HACD2: variants seen among roughly 807,000 people sequenced by gnomAD.
The protein encoded by HACD2 is 3-hydroxyacyl-CoA dehydratase 2.
In HACD2, 15 loss-of-function variants were observed where a neutral mutation model predicts 31.0. The ratio of observed to expected loss-of-function variants is 0.48; its 90% CI spans 0.32 to 0.75. HACD2 has a LOEUF of 0.75. HACD2 is among the 30% of genes least tolerant of loss of function. HACD2 has a pLI of 0.03. For missense variants in HACD2, 283 were observed against 313.0 expected, an observed-to-expected ratio of 0.90 and a Z score of 0.72; for synonymous variants, 115 against 122.2, an observed-to-expected ratio of 0.94 and a Z score of 0.39.
At chr3:123,560,638 G>C (rs1261826930) in intron 3 of HACD2, among the ~76,000 whole-genome samples, 2 of 152,182 alleles carry the variant, frequency 1.3e-5, no homozygotes, top group East Asian at 3.8e-4. Context: ...GTCCCGGTAA[G>C]AACAAGGCTT....
In HACD2 at chr3:123,493,897, T is replaced by A. The variant is rs186720087; in HGVS notation, c.*991A>T. The A allele has an allele frequency of 6.6e-6, 1 of 152,316 alleles. No homozygotes were observed. The highest frequency in any genetic ancestry group is 1.5e-5 in the Non-Finnish European group (1 of 68,020). 9.4% of individuals were successfully genotyped at this position (152,316 alleles called of 1,614,324 possible). A position where few individuals can be genotyped will look rare whatever the true frequency, so the allele number is the denominator to read the frequency against. On this transcript the variant is annotated 3_prime_UTR_variant, in exon 7 of 7. Coordinates refer to ENST00000383657, the MANE Select transcript of HACD2 (RefSeq NM_198402.5). ...AGAAGAGTGAATGAAAATTTAAAAA[T>A]AAAACAATAATGGTGTATAAATCTA...
At chr3:123,551,403 G>T (rs1018255668) in intron 3 of HACD2, among the ~76,000 whole-genome samples, 7 of 152,106 alleles carry the variant, frequency 4.6e-5, no homozygotes, top group African/African-American at 1.7e-4. Flanking sequence ...TGGATCATTT[G>T]AAGTCAGGAG....
intron 2 of HACD2, among the ~76,000 whole-genome samples, chr3:123,581,286 C>G (rs1031273157): frequency 6.6e-6 from 1 of 152,270 alleles, no homozygotes; most frequent in South Asian, 2.1e-4. Context: ...ACTATGGCGG[C>G]TATTGATTTT....
chr3:123,507,390 T>TAA (rs766297059), intron 4 of HACD2, among the ~76,000 whole-genome samples: 2 of 152,068 alleles, frequency 1.3e-5, no homozygotes. Flanking sequence ...CGACAAGTGA[T>TAA]ATATATATAT....
intron 3 of HACD2, among the ~76,000 whole-genome samples, chr3:123,534,273 A>C (rs2056399319): frequency 6.6e-6 from 1 of 152,196 alleles, no homozygotes; most frequent in African/African-American, 2.4e-5. Context: ...CATGCACCAC[A>C]CAATGGCATT....
At chr3:123,555,089 G>C (rs1045155607) in intron 3 of HACD2, among the ~76,000 whole-genome samples, 6 of 152,074 alleles carry the variant, frequency 3.9e-5, no homozygotes, top group Admixed American at 3.3e-4. Context: ...TAAAAAAATA[G>C]ACATTGAATT....
Position 123,564,716 on chromosome 3 carries a change from G to A in HACD2, c.292+3046C>T, listed in dbSNP as rs975354110. ...GGAGAACAGTTATATAGTAGTATAA[G>A]GGAAATACAGGGTCAATGGCCAGGT... On this transcript the variant is annotated intron_variant, in intron 3 of 6. Transcript: ENST00000383657. Among the ~76,000 whole-genome samples the A allele has an allele frequency of 2.6e-5, 4 of 152,186 alleles. No homozygotes were observed. The East Asian group carries it at 7.7e-4, about 29-fold the overall frequency.
intron 1 of HACD2, among the ~76,000 whole-genome samples, chr3:123,583,216 A>C (rs2056984527): frequency 6.6e-6 from 1 of 152,158 alleles, no homozygotes; most frequent in African/African-American, 2.4e-5. Flanking sequence ...AAAAAAGCTT[A>C]CTTTGCTCTC....
chr3:123,523,723 T>G (rs1360738215), intron 4 of HACD2, among the ~76,000 whole-genome samples: 1 of 152,246 alleles, frequency 6.6e-6, no homozygotes, highest in Non-Finnish European at 1.5e-5. Flanking sequence ...CAGGTGGGAA[T>G]GGCCTCTGAA....
At chr3:123,498,951 G>A (rs577966552) in intron 6 of HACD2, among the ~76,000 whole-genome samples, 1 of 152,316 alleles carries the variant, frequency 6.6e-6, no homozygotes, top group African/African-American at 2.4e-5. Flanking sequence ...GACAGATGGA[G>A]GCTGCCCTGG....
In HACD2 at chr3:123,492,310, A is replaced by G. The variant is rs1362546516; in HGVS notation, c.*2578T>C. ...AGTTGGGAGGATGATGCCTTTGACTATGCCCTGAAATGAAACCTCTAAGTC... is the reference window on the plus strand; with the variant it reads ...AGTTGGGAGGATGATGCCTTTGACTGTGCCCTGAAATGAAACCTCTAAGTC... On this transcript the variant is annotated 3_prime_UTR_variant, in exon 7 of 7. Transcript: ENST00000383657. The G allele has an allele frequency of 1.3e-5, 2 of 152,196 alleles. No individual in the cohort carries two copies. Among genetic ancestry groups the G allele is most frequent in the African/African-American group, 4.8e-5 (2 of 41,450 alleles). 9.4% of individuals were successfully genotyped at this position (152,196 alleles called of 1,614,324 possible).
intron 3 of HACD2, among the ~76,000 whole-genome samples, chr3:123,564,638 T>G (rs2056771873): frequency 6.6e-6 from 1 of 152,130 alleles, no homozygotes; most frequent in Admixed American, 6.5e-5. Context: ...GGTTCAGGTA[T>G]CGATGGGCAT....
rs1477715888 is a variant in HACD2, at chr3:123,494,646, T to C, written c.*242A>G. 1.9e-6 allele frequency: 1 copy of C among 518,790 alleles called. No homozygotes were observed. Among genetic ancestry groups the C allele is most frequent in the East Asian group, 3.6e-5 (1 of 27,990 alleles). The allele number at this position is 518,790 out of a possible 1,614,324, so 32.1% of individuals were successfully genotyped here. ...TCCCTTTCTAGTGCCATCATAAATA[T>C]TAAGAACTTCTGGTTGAAAGAGCAT... On this transcript the variant is annotated 3_prime_UTR_variant, in exon 7 of 7. Coordinates refer to ENST00000383657, the MANE Select transcript of HACD2 (RefSeq NM_198402.5).
chr3:123,520,138 C>T (rs974927334), intron 4 of HACD2, among the ~76,000 whole-genome samples: 1 of 152,204 alleles, frequency 6.6e-6, no homozygotes, highest in Non-Finnish European at 1.5e-5. Context: ...ATTGCTACCT[C>T]TGCAGTGCAT....
rs71142740 is a variant in HACD2, at chr3:123,534,798, T to TTGTG, written c.293-6328_293-6325dup. On this transcript the variant is annotated intron_variant, in intron 3 of 6. Coordinates refer to ENST00000383657, the MANE Select transcript of HACD2 (RefSeq NM_198402.5). ...ATCCTGTCCCTATGTAGACGTAGGC[T>TTGTG]TGTGTGTGTGTGTGTCTTAGTTTTT... 3.8e-4 allele frequency among the ~76,000 whole-genome samples: 57 copies of TTGTG among 149,200 alleles called. 1 individual carries two copies. The South Asian group carries it at 0.011, about 29-fold the overall frequency.
intron 4 of HACD2, among the ~76,000 whole-genome samples, chr3:123,525,254 G>A (rs2056266269): frequency 6.6e-6 from 1 of 152,150 alleles, no homozygotes; most frequent in Admixed American, 6.5e-5. Flanking sequence ...TATTTGCTAT[G>A]TTAGGTCAAG....
chr3:123,503,491 T>C (rs1212278074), intron 4 of HACD2, among the ~76,000 whole-genome samples: 1 of 152,096 alleles, frequency 6.6e-6, no homozygotes, highest in Non-Finnish European at 1.5e-5. Flanking sequence ...CCCAGTCTCC[T>C]CTGAAGTTGT....
chr3:123,537,578 TACACATACACACACACAC>T (rs2056441699), intron 3 of HACD2, among the ~76,000 whole-genome samples: 3 of 144,306 alleles, frequency 2.1e-5, no homozygotes, highest in South Asian at 4.3e-4. Flanking sequence ...CAACAACAAA[TACACATACACACACACAC>T]ACACACACAC....
At chr3:123,538,503 T>C (rs1450263796) in intron 3 of HACD2, among the ~76,000 whole-genome samples, 1 of 152,176 alleles carries the variant, frequency 6.6e-6, no homozygotes, top group South Asian at 2.1e-4. Context: ...GGTGTCATCA[T>C]TGGTAAGAAG....
Sources: allele counts gnomAD v4.1 joint callset (sites outside exome capture counted in the v4.1 genomes callset), GRCh38; gene constraint gnomAD v4.1.1; transcripts MANE v1.5; gene names NCBI Gene and HGNC (gene_info 2026-07-23, HGNC 2026-07-21).